Variants in RRAS2 observed in about 807,000 individuals in gnomAD.
RRAS2 encodes ras-related protein R-Ras2.
Under a neutral mutation model 27.6 loss-of-function variants are expected in RRAS2, and 7 were observed. The observed-to-expected ratio is 0.25, with a 90% CI of 0.14 to 0.48. The LOEUF is 0.48. RRAS2 is among the 20% of genes least tolerant of loss of function. RRAS2 has a pLI of 0.99. For synonymous variants in RRAS2, 86 were observed against 90.9 expected, an observed-to-expected ratio of 0.95 and a Z score of 0.31; for missense variants, 178 against 256.2, an observed-to-expected ratio of 0.69 and a Z score of 2.08.
chr11:14,343,152 T>A (rs1379099069), intron 1 of RRAS2, among the ~76,000 whole-genome samples: 2 of 152,198 alleles, frequency 1.3e-5, no homozygotes, highest in Non-Finnish European at 2.9e-5. Flanking sequence ...CTTCATTGGA[T>A]AATCAGCTCA....
Position 14,347,814 on chromosome 11 carries a change from C to A in RRAS2, c.108+10949G>T, listed in dbSNP as rs1848870008. 3.3e-5 allele frequency among the ~76,000 whole-genome samples: 5 copies of A among 151,970 alleles called. No individual in the cohort carries two copies. In the South Asian group the frequency reaches 1.0e-3, roughly 32 times the overall value. On this transcript the variant is annotated intron_variant, in intron 1 of 5. Transcript: ENST00000256196. Reference sequence around the variant, plus strand: ...CCTGACCTGGGCACCAGAGCAAGACCCTGTCTTTAAAATTTTTAAAAGAAT... The same window carrying A: ...CCTGACCTGGGCACCAGAGCAAGACACTGTCTTTAAAATTTTTAAAAGAAT...
At chr11:14,342,944 A>G (rs1423865467) in intron 1 of RRAS2, among the ~76,000 whole-genome samples, 3 of 152,226 alleles carry the variant, frequency 2.0e-5, no homozygotes, top group Non-Finnish European at 2.9e-5. Flanking sequence ...AAAAACGAAG[A>G]AAAGTCACTA....
upstream of RRAS2, among the ~76,000 whole-genome samples, chr11:14,363,032 C>T (rs188640564): frequency 1.4e-4 from 21 of 152,272 alleles, no homozygotes; most frequent in East Asian, 3.5e-3. Context: ...AATTGGTTGC[C>T]GATATTTAAA....
In RRAS2 at chr11:14,317,147, T is replaced by C. The variant is rs562919472; in HGVS notation, c.109-21292A>G. Among the ~76,000 whole-genome samples the C allele has an allele frequency of 3.3e-5, 5 of 152,382 alleles. No individual in the cohort carries two copies. In the South Asian group the frequency reaches 1.0e-3, roughly 32 times the overall value. On this transcript the variant is annotated intron_variant, in intron 1 of 5. Coordinates refer to ENST00000256196, the MANE Select transcript of RRAS2 (RefSeq NM_012250.6). ...CTGCCATTTAACACTGCTACCCTTA[T>C]AGGTGTTGGGTGGAGTTCCACAGAT...
At chr11:14,308,491 T>C (rs1184660860) in intron 1 of RRAS2, among the ~76,000 whole-genome samples, 2 of 152,216 alleles carry the variant, frequency 1.3e-5, no homozygotes, top group South Asian at 2.1e-4. Flanking sequence ...TTTCCAGCTA[T>C]ATAATTTTAT....
rs1481871686 is a variant in RRAS2 at position 14,290,257 on chromosome 11, G to C, written c.408+4214C>G. On this transcript the variant is annotated intron_variant, in intron 4 of 5. Coordinates refer to ENST00000256196, the MANE Select transcript of RRAS2 (RefSeq NM_012250.6). ...AAGATCAGGAGTTTGAGACCAGCCT[G>C]GCCAACATGGTGAAACCCTATCTCT... 3.3e-5 allele frequency among the ~76,000 whole-genome samples: 5 copies of C among 152,168 alleles called. No individual in the cohort carries two copies. In the East Asian group the frequency reaches 9.6e-4, roughly 29 times the overall value.
chr11:14,293,316 C>T (rs1255999202), intron 4 of RRAS2, among the ~76,000 whole-genome samples: 2 of 151,178 alleles, frequency 1.3e-5, no homozygotes, highest in Non-Finnish European at 2.9e-5. Flanking sequence ...CCAACAAAAT[C>T]CTAAGAATCT....
At chr11:14,344,002 G>A (rs1848776587) in intron 1 of RRAS2, among the ~76,000 whole-genome samples, 2 of 152,102 alleles carry the variant, frequency 1.3e-5, no homozygotes, top group South Asian at 4.1e-4. Flanking sequence ...AATCAGCCGG[G>A]CATGGTGGCG....
chr11:14,287,614 G>A (rs1849697764), intron 4 of RRAS2, among the ~76,000 whole-genome samples: 1 of 152,128 alleles, frequency 6.6e-6, no homozygotes, highest in African/African-American at 2.4e-5. Context: ...GCTCATGCCT[G>A]TAATCCAAAC....
At chr11:14,283,102 C>T (rs1297444313) in intron 4 of RRAS2, among the ~76,000 whole-genome samples, 1 of 152,154 alleles carries the variant, frequency 6.6e-6, no homozygotes, top group African/African-American at 2.4e-5. Context: ...CCACTACTCC[C>T]TTTGCATAAG....
intron 4 of RRAS2, among the ~76,000 whole-genome samples, chr11:14,291,393 G>T (rs930132373): frequency 8.6e-5 from 13 of 152,038 alleles, no homozygotes; most frequent in Non-Finnish European, 1.8e-4. Context: ...GCATAAGGAG[G>T]AATAAAACTT....
chr11:14,356,901 C>A, intron 1 of RRAS2: 1 of 379,198 alleles, frequency 2.6e-6, no homozygotes, highest in South Asian at 2.1e-5. Flanking sequence ...GATTCTACTG[C>A]CTCAGCCTCC....
intron 1 of RRAS2, among the ~76,000 whole-genome samples, chr11:14,351,102 T>C (rs1177649446): frequency 6.6e-6 from 1 of 152,186 alleles, no homozygotes; most frequent in Non-Finnish European, 1.5e-5. Context: ...TGTTGCCTAA[T>C]AACACATAAT....
At chr11:14,284,493 T>G (rs1276344549) in intron 4 of RRAS2, among the ~76,000 whole-genome samples, 4 of 152,192 alleles carry the variant, frequency 2.6e-5, no homozygotes, top group African/African-American at 9.6e-5. Flanking sequence ...AGGGTACACT[T>G]AATGTCAATT....
At chr11:14,354,730 G>A (rs1554955245) in intron 1 of RRAS2, among the ~76,000 whole-genome samples, 1 of 134,932 alleles carries the variant, frequency 7.4e-6, no homozygotes, top group Non-Finnish European at 1.5e-5. Context: ...AGGCTGGAGT[G>A]CAGTGGCGCA....
intron 4 of RRAS2, among the ~76,000 whole-genome samples, chr11:14,293,124 A>AATACATAT (rs1554946031): frequency 7.8e-5 from 6 of 76,800 alleles, no homozygotes; most frequent in African/African-American, 3.7e-4. Context: ...AAACAAAACA[A>AATACATAT]ATATATATAT....
In RRAS2 at chr11:14,279,064, G is replaced by C. The variant is rs544612462; in HGVS notation, c.*273C>G. Reference sequence around the variant, plus strand: ...AAAACTGATTCATCTCTATTAAAATGTAAGCACTTAAAAAAAGAGCATGTC... The same window carrying C: ...AAAACTGATTCATCTCTATTAAAATCTAAGCACTTAAAAAAAGAGCATGTC... On this transcript the variant is annotated 3_prime_UTR_variant, in exon 6 of 6. Coordinates refer to ENST00000256196, the MANE Select transcript of RRAS2 (RefSeq NM_012250.6). The C allele has an allele frequency of 1.2e-4, 35 of 281,026 alleles. No homozygotes were observed. The Middle Eastern group carries it at 3.3e-3, about 26-fold the overall frequency. The allele number at this position is 281,026 out of a possible 1,614,324, so 17.4% of individuals were successfully genotyped here.
chr11:14,308,650 T>C (rs1283364499), intron 1 of RRAS2, among the ~76,000 whole-genome samples: 1 of 152,244 alleles, frequency 6.6e-6, no homozygotes, highest in Admixed American at 6.5e-5. Flanking sequence ...ACTTTATAGC[T>C]GTAGGATTTG....
intron 1 of RRAS2, among the ~76,000 whole-genome samples, chr11:14,346,671 G>A (rs947931692): frequency 1.3e-5 from 2 of 152,174 alleles, no homozygotes; most frequent in Non-Finnish European, 2.9e-5. Context: ...GTAAAGCATA[G>A]TAACTATAGT....
Sources: allele counts gnomAD v4.1 joint callset (sites outside exome capture counted in the v4.1 genomes callset), GRCh38; gene constraint gnomAD v4.1.1; transcripts MANE v1.5; gene names NCBI Gene and HGNC (gene_info 2026-07-23, HGNC 2026-07-21).